Variants in NINL observed in about 807,000 individuals in gnomAD.
NINL encodes the protein ninein-like protein.
A neutral mutation model predicts 160.3 loss-of-function variants in NINL; 153 were observed. That is an observed-to-expected ratio of 0.95 (90% CI 0.84 to 1.09). NINL has a LOEUF of 1.09. NINL is among the 50% of genes least tolerant of loss of function. The pLI is 0.00. For missense variants in NINL, 1,829 were observed against 1,764.0 expected (o/e 1.04, Z -0.66); for synonymous variants, 800 against 734.8 (o/e 1.09, Z -1.43).
rs1415536867 is a variant in NINL, at chr20:25,503,938, CTG to C, written c.861+12_861+13del. 6.2e-7 allele frequency: 1 copy of C among 1,613,980 alleles called. No individual in the cohort carries two copies. Among genetic ancestry groups the C allele is most frequent in the Admixed American group, 1.7e-5 (1 of 60,000 alleles). On this transcript the variant is annotated intron_variant, in intron 7 of 23. Transcript: ENST00000278886. ...AGTGGTTGCTGGGTTCAGGATTTAA[CTG>C]TTGCATTTTACCTGGTAATGAGACC...
chr20:25,496,912 C>A, intron 9 of NINL, 109 bp from the exon 10 acceptor site: 1 of 1,421,804 alleles, frequency 7.0e-7, no homozygotes, highest in Non-Finnish European at 9.5e-7. Context: ...ACTAGCACAC[C>A]AACTATACAG....
intron 1 of NINL, among the ~76,000 whole-genome samples, chr20:25,544,364 T>C (rs1355384039): frequency 6.6e-6 from 1 of 152,186 alleles, no homozygotes; most frequent in Non-Finnish European, 1.5e-5. Context: ...TCATTAGTTC[T>C]ACTCTGCATC....
In NINL at chr20:25,498,248, T is replaced by G. The variant is rs1228503570; in HGVS notation, c.1131A>C (p.Ala377=). Reference sequence around the variant, plus strand: ...GCTCCTGGTGGTAGCAGGCCAGGGCTGCCTGCTGGACGGCACTGTCCACTG... The same window carrying G: ...GCTCCTGGTGGTAGCAGGCCAGGGCGGCCTGCTGGACGGCACTGTCCACTG... ...LMTVDSAVQQ[A]ALACYHQELS... Residue 377 remains alanine (A), a synonymous_variant, in exon 9 of 24, where the codon GCA becomes GCC. Transcript: ENST00000278886. 6.2e-7 allele frequency: 1 copy of G among 1,613,154 alleles called. No homozygotes were observed. The highest frequency in any genetic ancestry group is 2.2e-5 in the East Asian group (1 of 44,872).
chr20:25,463,367 T>C (rs2062837291), intron 19 of NINL, among the ~76,000 whole-genome samples: 1 of 152,194 alleles, frequency 6.6e-6, no homozygotes, highest in Non-Finnish European at 1.5e-5. Context: ...ATGAATCTCT[T>C]AAGTCTCCTC....
At chr20:25,561,553 T>C (rs2064937825) in intron 1 of NINL, among the ~76,000 whole-genome samples, 2 of 144,566 alleles carry the variant, frequency 1.4e-5, no homozygotes, top group African/African-American at 2.6e-5. Flanking sequence ...GTGAGAAGCG[T>C]CTCTGCCCGG....
Position 25,513,004 on chromosome 20 carries a change from C to A in NINL, c.280G>T (p.Ala94Ser). ...DEDSSSLESA[A>S]SSAIPPKYVN... ...TACTTTGGAGGGATGGCACTGGAGGCAGCTGGAAAGGAAACAGGAAATTTG... is the reference window on the plus strand; with the variant it reads ...TACTTTGGAGGGATGGCACTGGAGGAAGCTGGAAAGGAAACAGGAAATTTG... Residue 94 changes from alanine to serine, a missense_variant and splice_region_variant, in exon 4 of 24, where the codon GCC becomes TCC. Transcript: ENST00000278886. The A allele has an allele frequency of 1.6e-5, 25 of 1,594,284 alleles. No homozygotes were observed. The highest frequency in any genetic ancestry group is 2.1e-5 in the Non-Finnish European group (25 of 1,166,410).
intron 19 of NINL, among the ~76,000 whole-genome samples, chr20:25,466,407 T>A (rs939119867): frequency 1.3e-5 from 2 of 152,228 alleles, no homozygotes; most frequent in Admixed American, 6.5e-5. Context: ...AAAGTGCAGG[T>A]GGCAATGCGG....
chr20:25,486,932 T>A (rs772258073), intron 13 of NINL, among the ~76,000 whole-genome samples: 1 of 152,238 alleles, frequency 6.6e-6, no homozygotes, highest in Non-Finnish European at 1.5e-5. Context: ...CTATAATACC[T>A]GCTCAAATTT....
chr20:25,473,658 T>C (rs925425175), intron 17 of NINL, among the ~76,000 whole-genome samples: 7 of 146,314 alleles, frequency 4.8e-5, no homozygotes, highest in South Asian at 2.2e-4. Context: ...ACCCCGTCTG[T>C]AGTAAAAATA....
chr20:25,531,054 G>A (rs1237698383), intron 1 of NINL, among the ~76,000 whole-genome samples: 2 of 152,128 alleles, frequency 1.3e-5, no homozygotes, highest in African/African-American at 4.8e-5. Flanking sequence ...TGCACTCAAG[G>A]GGGCCATTTT....
Position 25,476,978 on chromosome 20 carries a change from G to A in NINL, c.2313C>T (p.Arg771=), listed in dbSNP as rs1292476724. The change falls in exon 17 of 24, where the codon CGC becomes CGT. Residue 771 remains arginine, a synonymous_variant. Transcript: ENST00000278886. Reference sequence around the variant, plus strand: ...CCAGCTGCTCCGACCTCTGGCTCCCGCGTGGCAGGGGTCCCTGCGGCGGCT... The same window carrying A: ...CCAGCTGCTCCGACCTCTGGCTCCCACGTGGCAGGGGTCCCTGCGGCGGCT... ...LEEPPQGPLP[R]GSQRSEQLEL... is the part of the protein sequence containing the mutation. The A allele has an allele frequency of 3.7e-6, 6 of 1,606,044 alleles. No individual in the cohort carries two copies. The highest frequency in any genetic ancestry group is 1.3e-5 in the African/African-American group (1 of 75,036).
chr20:25,511,628 A>C (rs895969236), intron 4 of NINL, among the ~76,000 whole-genome samples: 9 of 152,172 alleles, frequency 5.9e-5, no homozygotes, highest in African/African-American at 2.2e-4. Context: ...TCAGGTTTTG[A>C]GAATCAAAGA....
At chr20:25,567,855 T>C (rs1043746442) in intron 1 of NINL, among the ~76,000 whole-genome samples, 1 of 151,882 alleles carries the variant, frequency 6.6e-6, no homozygotes, top group Admixed American at 6.6e-5. Flanking sequence ...AAAGAGGACA[T>C]TGCAAGAAAA....
chr20:25,543,709 G>A (rs1006245141), intron 1 of NINL, among the ~76,000 whole-genome samples: 2 of 152,142 alleles, frequency 1.3e-5, no homozygotes, highest in African/African-American at 2.4e-5. Context: ...GCCTCTGATT[G>A]GCTGCAAAAT....
At chr20:25,517,479 T>G (rs538523054) in intron 3 of NINL, among the ~76,000 whole-genome samples, 3 of 152,366 alleles carry the variant, frequency 2.0e-5, no homozygotes, top group Non-Finnish European at 2.9e-5. Flanking sequence ...CCAGCAGCCC[T>G]GTCCCTGTAA....
rs201906826 is a variant in NINL at position 25,479,093 on chromosome 20, G to A, written c.2031C>T (p.Ala677=). Residue 677 remains alanine (A), a synonymous_variant, in exon 16 of 24, where the codon GCC becomes GCT. Transcript: ENST00000278886. ...ACTTCTCGTGGAGCTCCTCCAGGTC[G>A]GCCTTCTGACCCTCCAGCACGCTGA... ...REVSVLEGQK[A]DLEELHEKSQ... is the part of the protein sequence containing the mutation. 5 of 1,613,494 alleles carry A rather than the reference G, an allele frequency of 3.1e-6. No homozygotes were observed. Among genetic ancestry groups the A allele is most frequent in the Non-Finnish European group, 4.2e-6 (5 of 1,180,032 alleles).
chr20:25,486,575 A>C (rs1343024480), intron 13 of NINL, among the ~76,000 whole-genome samples: 2 of 152,092 alleles, frequency 1.3e-5, no homozygotes, highest in African/African-American at 4.8e-5. Flanking sequence ...CACCCACCCC[A>C]CACACACCAG....
intron 1 of NINL, among the ~76,000 whole-genome samples, chr20:25,584,415 G>A (rs545505654): frequency 1.7e-4 from 26 of 152,228 alleles, no homozygotes; most frequent in Admixed American, 3.3e-4. Context: ...AGCCGAGATG[G>A]CGCCATTGCA....
At chr20:25,556,435 G>A (rs1375242956) in intron 1 of NINL, among the ~76,000 whole-genome samples, 1 of 152,150 alleles carries the variant, frequency 6.6e-6, no homozygotes, top group Non-Finnish European at 1.5e-5. Context: ...ACTAGCCTGG[G>A]TAACATAATG....
Sources: allele counts gnomAD v4.1 joint callset (sites outside exome capture counted in the v4.1 genomes callset), GRCh38; gene constraint gnomAD v4.1.1; transcripts MANE v1.5; gene names NCBI Gene and HGNC (gene_info 2026-07-23, HGNC 2026-07-21).